MDGA2: variants seen among roughly 807,000 people sequenced by gnomAD.
MDGA2 encodes MAM domain-containing glycosylphosphatidylinositol anchor protein 2.
MDGA2 carries 40 observed loss-of-function variants against 117.8 expected under a neutral mutation model. The ratio of observed to expected loss-of-function variants is 0.34; its 90% confidence interval spans 0.26 to 0.44. The LOEUF is 0.44. MDGA2 is among the 20% of genes least tolerant of loss of function. The probability of loss-of-function intolerance (pLI) is 1.00; values close to 1 mark genes in which losing one functional copy is unlikely to be tolerated. For synonymous variants in MDGA2, 452 were observed against 439.0 expected, an observed-to-expected ratio of 1.03 and a Z score of -0.37; for missense variants, 1,123 against 1,250.6, an observed-to-expected ratio of 0.90 and a Z score of 1.54.
chr14:46,962,823 A>C (rs1183251670), intron 8 of MDGA2, among the ~76,000 whole-genome samples: 2 of 152,146 alleles, frequency 1.3e-5, no homozygotes, highest in Non-Finnish European at 2.9e-5. Context: ...CCAAATATGA[A>C]CTTTACTCTT....
intron 8 of MDGA2, among the ~76,000 whole-genome samples, chr14:47,033,581 C>T (rs898234404): frequency 7.2e-5 from 11 of 152,054 alleles, no homozygotes; most frequent in African/African-American, 2.4e-4. Flanking sequence ...GATCCTCATA[C>T]CCATGAACAG....
At chr14:47,509,092 T>G (rs1363655971) in intron 1 of MDGA2, among the ~76,000 whole-genome samples, 3 of 152,138 alleles carry the variant, frequency 2.0e-5, no homozygotes, top group Non-Finnish European at 4.4e-5. Flanking sequence ...GTTCACACAC[T>G]TCACACACAC....
At chr14:47,654,215 T>G (rs982953186) in intron 1 of MDGA2, among the ~76,000 whole-genome samples, 1 of 152,082 alleles carries the variant, frequency 6.6e-6, no homozygotes, top group African/African-American at 2.4e-5. Context: ...GTCAGCTACA[T>G]GAAAGTAAGG....
intron 2 of MDGA2, among the ~76,000 whole-genome samples, chr14:47,221,322 T>C (rs1464354609): frequency 6.6e-6 from 1 of 152,134 alleles, no homozygotes; most frequent in African/African-American, 2.4e-5. Flanking sequence ...CAGATCTTGT[T>C]TATACATTTT....
At chr14:47,447,147 C>T (rs4900763) in intron 1 of MDGA2, among the ~76,000 whole-genome samples, 9,399 of 152,220 alleles carry the variant, frequency 0.062, 386 homozygotes, top group Non-Finnish European at 0.097. Flanking sequence ...TGCTAAATAT[C>T]ACCATTTTAG....
At chr14:47,247,518 G>C (rs955984106) in intron 2 of MDGA2, among the ~76,000 whole-genome samples, 9 of 151,510 alleles carry the variant, frequency 5.9e-5, no homozygotes, top group African/African-American at 1.9e-4. Flanking sequence ...GGTCAGGCTG[G>C]TCTCGAACTC....
intron 5 of MDGA2, among the ~76,000 whole-genome samples, chr14:47,107,336 A>G (rs1023220781): frequency 1.3e-5 from 2 of 152,038 alleles, no homozygotes; most frequent in Admixed American, 6.5e-5. Context: ...CACCTTATCA[A>G]CCAAATTGTT....
In MDGA2 at chr14:47,502,682, T is replaced by G. The variant is rs1036964436; in HGVS notation, c.280+171835A>C. 4.6e-5 allele frequency among the ~76,000 whole-genome samples: 7 copies of G among 152,026 alleles called. No homozygotes were observed. In the South Asian group the frequency reaches 6.2e-4, roughly 14 times the overall value. ...TTTTGTTTTATTATTTGTATTTTTT[T>G]GGGGGGGACAGAGTCTCACTGTGTC... On this transcript the variant is annotated intron_variant, in intron 1 of 16. Transcript: ENST00000399232.
At chr14:46,989,205 A>C (rs990344840) in intron 8 of MDGA2, among the ~76,000 whole-genome samples, 2 of 151,938 alleles carry the variant, frequency 1.3e-5, no homozygotes, top group Non-Finnish European at 2.9e-5. Context: ...AGTTTTCCCC[A>C]ATTCTGCTAG....
chr14:47,406,162 G>A (rs913275331), intron 1 of MDGA2, among the ~76,000 whole-genome samples: 6 of 152,022 alleles, frequency 3.9e-5, no homozygotes, highest in African/African-American at 7.2e-5. Flanking sequence ...GCTGGTAGAC[G>A]TGCAAATTAG....
chr14:47,308,094 T>C (rs770476485), intron 1 of MDGA2, among the ~76,000 whole-genome samples: 14 of 152,116 alleles, frequency 9.2e-5, no homozygotes, highest in Non-Finnish European at 1.9e-4. Context: ...CAAAAGGTCA[T>C]TGCCTTTGGG....
intron 1 of MDGA2, among the ~76,000 whole-genome samples, chr14:47,560,293 G>C (rs376927340): frequency 2.6e-5 from 4 of 151,146 alleles, no homozygotes; most frequent in Admixed American, 6.6e-5. Context: ...GGATGGTCTC[G>C]ACCTCCTGAC....
intron 1 of MDGA2, among the ~76,000 whole-genome samples, chr14:47,673,484 T>C (rs1181324658): frequency 6.6e-6 from 1 of 152,148 alleles, no homozygotes; most frequent in Non-Finnish European, 1.5e-5. Context: ...TGGGACCGGC[T>C]GTGGGCGGGT....
intron 1 of MDGA2, among the ~76,000 whole-genome samples, chr14:47,383,564 G>A (rs1401976729): frequency 1.3e-5 from 2 of 151,844 alleles, no homozygotes; most frequent in Admixed American, 6.6e-5. Context: ...TTCGAGACAG[G>A]GTCTCACTTT....
chr14:47,005,350 G>A (rs1338591713), intron 8 of MDGA2, among the ~76,000 whole-genome samples: 2 of 151,382 alleles, frequency 1.3e-5, no homozygotes, highest in Non-Finnish European at 3.0e-5. Flanking sequence ...AATTTTGGGG[G>A]CACTTATTGA....
chr14:47,032,771 C>T (rs1888707777), intron 8 of MDGA2, among the ~76,000 whole-genome samples: 1 of 152,108 alleles, frequency 6.6e-6, no homozygotes, highest in South Asian at 2.1e-4. Flanking sequence ...GGAGTTGTTA[C>T]CAGTTATTTG....
chr14:47,234,216 TTA>T (rs933191613), intron 2 of MDGA2, among the ~76,000 whole-genome samples: 40 of 150,430 alleles, frequency 2.7e-4, no homozygotes, highest in African/African-American at 9.5e-4. Context: ...TATCATTAAA[TTA>T]TAAATATTAA....
rs17118030 is a variant in MDGA2, at chr14:47,076,865, C to G, written c.1196-15287G>C. Among the ~76,000 whole-genome samples, 585 of 152,106 alleles carry G rather than the reference C, an allele frequency of 3.8e-3. 6 individuals carry two copies. Among genetic ancestry groups the G allele is most frequent in the African/African-American group, 0.013 (558 of 41,510 alleles). Reference sequence around the variant, plus strand: ...TATGTTTTATTTCATCATTATTATTCATGGAAACAAAATAGAGTCATAATT... The same window carrying G: ...TATGTTTTATTTCATCATTATTATTGATGGAAACAAAATAGAGTCATAATT... On this transcript the variant is annotated intron_variant, in intron 6 of 16. Coordinates refer to ENST00000399232, the MANE Select transcript of MDGA2 (RefSeq NM_001113498.3).
intron 3 of MDGA2, among the ~76,000 whole-genome samples, chr14:47,215,819 AG>A (rs1301228199): frequency 1.3e-5 from 2 of 152,154 alleles, no homozygotes; most frequent in African/African-American, 4.8e-5. Context: ...CCACCAAACA[AG>A]TACTGAAAAT....
Sources: gnomAD v4.1 joint callset for allele counts (sites outside exome capture counted in the v4.1 genomes callset) on GRCh38, gnomAD v4.1.1 for gene constraint, MANE v1.5 for transcripts, NCBI Gene and HGNC (gene_info 2026-07-23, HGNC 2026-07-21) for gene names.